Variants in BTRC observed in about 807,000 individuals in gnomAD.
The protein encoded by BTRC is beta-transducin repeat containing E3 ubiquitin protein ligase.
BTRC carries 42 observed loss-of-function variants against 85.5 expected under a neutral mutation model. The observed-to-expected ratio is 0.49, with a 90% CI of 0.38 to 0.64. The LOEUF (loss-of-function observed/expected upper bound fraction) is 0.64, where lower values mean the gene tolerates loss of function less well. Ranked by LOEUF, BTRC falls within the 30% of genes least tolerant of loss-of-function variation. BTRC has a pLI of 0.00. For synonymous variants in BTRC, 255 were observed against 263.3 expected (o/e 0.97, Z 0.30); for missense variants, 594 against 743.5 (o/e 0.80, Z 2.34).
At chr10:101,381,376 A>C (rs1470010802) in intron 1 of BTRC, among the ~76,000 whole-genome samples, 2 of 152,192 alleles carry the variant, frequency 1.3e-5, no homozygotes, top group African/African-American at 4.8e-5. Context: ...GAGTGTGGTT[A>C]ATCATTGTGC....
chr10:101,355,508 G>C (rs1942008399), intron 1 of BTRC, among the ~76,000 whole-genome samples: 1 of 152,114 alleles, frequency 6.6e-6, no homozygotes, highest in South Asian at 2.1e-4. Context: ...AGACTTTGTG[G>C]TTACAACTAA....
In BTRC at chr10:101,371,183, G is replaced by T. The variant is rs562499467; in HGVS notation, c.48+16955G>T. Among the ~76,000 whole-genome samples the T allele has an allele frequency of 2.9e-3, 381 of 131,548 alleles. 3 individuals are homozygous for T. Among genetic ancestry groups the T allele is most frequent in the African/African-American group, 9.0e-3 (354 of 39,494 alleles). 86.3% of individuals were successfully genotyped at this position (131,548 alleles called of 152,430 possible). On this transcript the variant is annotated intron_variant, in intron 1 of 14. Coordinates refer to ENST00000370187, the MANE Select transcript of BTRC (RefSeq NM_033637.4). Reference sequence around the variant, plus strand: ...ACTATTCTTTTTTTTTTGTTTGTTTGGTGTTTTTTTTTTCCCCCAGAGACG... The same window carrying T: ...ACTATTCTTTTTTTTTTGTTTGTTTTGTGTTTTTTTTTTCCCCCAGAGACG...
chr10:101,364,767 A>G (rs1390143490), intron 1 of BTRC: 4 of 152,020 alleles, frequency 2.6e-5, no homozygotes, highest in African/African-American at 9.7e-5. Flanking sequence ...TTCTGAAAAT[A>G]TACTAGTAAA....
At chr10:101,485,201 A>G (rs115226572) in intron 4 of BTRC, among the ~76,000 whole-genome samples, 1,975 of 152,350 alleles carry the variant, frequency 0.013, 33 homozygotes, top group African/African-American at 0.042. Flanking sequence ...CTTAAAAAAA[A>G]AAGTCCAGAC....
At chr10:101,533,154 C>A in intron 9 of BTRC, 84 bp downstream of exon 9, 1 of 948,268 alleles carries the variant, frequency 1.1e-6, no homozygotes, top group African/African-American at 1.6e-5. Context: ...TTGTATATAT[C>A]GGCACAGTTC....
chr10:101,401,837 CAAAAAA>C (rs766212284), intron 1 of BTRC, among the ~76,000 whole-genome samples: 1 of 52,168 alleles, frequency 1.9e-5, no homozygotes, highest in Non-Finnish European at 4.0e-5. Context: ...GACCTCATCT[CAAAAAA>C]AAAAAAAAAA....
chr10:101,522,387 A>AAAAC (rs2062126699), intron 5 of BTRC, among the ~76,000 whole-genome samples: 3 of 137,620 alleles, frequency 2.2e-5, no homozygotes, highest in African/African-American at 7.8e-5. Context: ...CAAAAAAAAA[A>AAAAC]AAACTCTAGA....
intron 1 of BTRC, among the ~76,000 whole-genome samples, chr10:101,388,866 G>A (rs946878331): frequency 3.9e-5 from 6 of 152,178 alleles, no homozygotes; most frequent in African/African-American, 1.4e-4. Flanking sequence ...GATCACTTAA[G>A]CATTTGACCT....
chr10:101,369,006 G>A (rs113978184), intron 1 of BTRC, among the ~76,000 whole-genome samples: 4 of 152,070 alleles, frequency 2.6e-5, no homozygotes, highest in Admixed American at 1.3e-4. Context: ...GCGACAGAGC[G>A]AGACTCCATC....
At chr10:101,481,562 T>G (rs79286598) in intron 4 of BTRC, among the ~76,000 whole-genome samples, 56 of 62,800 alleles carry the variant, frequency 8.9e-4, no homozygotes, top group Non-Finnish European at 1.4e-3. Context: ...GATGTGGAGT[T>G]TTTTTTTTTT....
chr10:101,387,662 G>A (rs1943119449), intron 1 of BTRC, among the ~76,000 whole-genome samples: 1 of 150,420 alleles, frequency 6.6e-6, no homozygotes, highest in Non-Finnish European at 1.5e-5. Context: ...GAGTTGTTGG[G>A]ATTACAGGTG....
chr10:101,442,290 G>GTC (rs1554878814), intron 2 of BTRC, among the ~76,000 whole-genome samples: 8 of 140,058 alleles, frequency 5.7e-5, no homozygotes, highest in South Asian at 2.3e-4. Flanking sequence ...CTCTGTCTCT[G>GTC]TGTGTATGTG....
rs181172398 is a variant in BTRC at position 101,501,123 on chromosome 10, G to T, written c.325-20516G>T. On this transcript the variant is annotated intron_variant, in intron 4 of 14. Coordinates refer to ENST00000370187, the MANE Select transcript of BTRC (RefSeq NM_033637.4). ...AGGCAGAATTGCCTGAACCTGCGGG[G>T]CAGAGGTTGCAGTGAGTGGAGTACA... Among the ~76,000 whole-genome samples the T allele has an allele frequency of 3.1e-3, 471 of 151,974 alleles. 8 individuals carry two copies. The highest frequency in any genetic ancestry group is 7.4e-4 in the Non-Finnish European group (50 of 67,980).
At chr10:101,365,364 C>T (rs1179262172) in intron 1 of BTRC, among the ~76,000 whole-genome samples, 19 of 149,090 alleles carry the variant, frequency 1.3e-4, no homozygotes, top group African/African-American at 4.9e-5. Flanking sequence ...TGAGCCACCG[C>T]GCTTGGCCCT....
At chr10:101,400,667 A>G (rs1156313057) in intron 1 of BTRC, among the ~76,000 whole-genome samples, 1 of 152,136 alleles carries the variant, frequency 6.6e-6, no homozygotes, top group Non-Finnish European at 1.5e-5. Context: ...GATCTTTCCT[A>G]TGACGGCCAG....
At chr10:101,395,417 C>G (rs1042702835) in intron 1 of BTRC, among the ~76,000 whole-genome samples, 2 of 152,088 alleles carry the variant, frequency 1.3e-5, no homozygotes, top group African/African-American at 4.8e-5. Flanking sequence ...GCTCCAGCTG[C>G]TTTATTTTCA....
intron 1 of BTRC, among the ~76,000 whole-genome samples, chr10:101,390,833 T>G (rs1943220209): frequency 1.3e-5 from 2 of 152,194 alleles, no homozygotes. Context: ...CACTCTCTTC[T>G]TTCTAATTTT....
At chr10:101,382,558 A>C (rs1325803220) in intron 1 of BTRC, among the ~76,000 whole-genome samples, 5 of 152,094 alleles carry the variant, frequency 3.3e-5, no homozygotes, top group African/African-American at 1.2e-4. Flanking sequence ...ATCAGAAGGC[A>C]TATAATGTCA....
At chr10:101,535,207 A>T in intron 10 of BTRC, 147 bp from the exon 11 acceptor site, 4 of 754,004 alleles carry the variant, frequency 5.3e-6, no homozygotes, top group South Asian at 1.7e-5. Context: ...TGTTACCATG[A>T]ATTTAAATTG....
Sources: gnomAD v4.1 joint callset for allele counts (sites outside exome capture counted in the v4.1 genomes callset) on GRCh38, gnomAD v4.1.1 for gene constraint, MANE v1.5 for transcripts, NCBI Gene and HGNC (gene_info 2026-07-23, HGNC 2026-07-21) for gene names.